Variants in CDH20 observed in about 807,000 individuals in gnomAD.
CDH20 encodes the protein cadherin 20.
CDH20 carries 29 observed loss-of-function variants against 74.2 expected under a neutral mutation model. That is an observed-to-expected ratio of 0.39 (90% confidence interval 0.29 to 0.53). CDH20 has a LOEUF of 0.53. Among genes scored for constraint, CDH20 ranks in the 20% least tolerant of loss-of-function variants. The pLI is 0.69. For missense variants in CDH20, 988 were observed against 1,048.3 expected (o/e 0.94, Z 0.79); for synonymous variants, 469 against 405.4 (o/e 1.16, Z -1.88).
At chr18:61,348,489 G>T (rs1041240820) in intron 1 of CDH20, among the ~76,000 whole-genome samples, 1 of 152,100 alleles carries the variant, frequency 6.6e-6, no homozygotes, top group African/African-American at 2.4e-5. Context: ...AGCAGACTGG[G>T]TTTCTGATTT....
At chr18:61,396,053 T>TGTGTGTGTGTG (rs1568123818) in intron 1 of CDH20, among the ~76,000 whole-genome samples, 6,273 of 142,706 alleles carry the variant, frequency 0.044, 224 homozygotes, top group African/African-American at 0.095. Flanking sequence ...GTGTGTGTGT[T>TGTGTGTGTGTG]TGTGTGTGTG....
intron 1 of CDH20, among the ~76,000 whole-genome samples, chr18:61,375,498 C>T (rs913957104): frequency 3.2e-4 from 49 of 152,228 alleles, no homozygotes; most frequent in African/African-American, 1.1e-3. Flanking sequence ...CGTGCTACTT[C>T]GTGCTACTTC....
At chr18:61,417,578 T>TAAAAAAA (rs545256689) in intron 1 of CDH20, among the ~76,000 whole-genome samples, 816 of 62,292 alleles carry the variant, frequency 0.013, 136 homozygotes, top group East Asian at 0.033. Flanking sequence ...ATGTGGGAGC[T>TAAAAAAA]AAAAAAAAAA....
chr18:61,546,410 TATA>T (rs1913250863), intron 10 of CDH20, among the ~76,000 whole-genome samples: 1 of 152,218 alleles, frequency 6.6e-6, no homozygotes, highest in African/African-American at 2.4e-5. Flanking sequence ...ATAAAAATAC[TATA>T]ATAATTCTGG....
rs778357417 is a variant in CDH20, at chr18:61,428,938, CTTCTT to C, written c.-152-61457_-152-61453del. 5.9e-5 allele frequency among the ~76,000 whole-genome samples: 9 copies of C among 152,320 alleles called. No homozygotes were observed. In the East Asian group the frequency reaches 9.7e-4, roughly 16 times the overall value. On this transcript the variant is annotated intron_variant, in intron 1 of 11. Coordinates refer to ENST00000262717, the MANE Select transcript of CDH20 (RefSeq NM_031891.4). ...GCCAAGGCTCAACCATATGCCTCCT[CTTCTT>C]TTCTTTATTTTTAATGAGTACCACT... is the stretch of plus-strand genomic sequence containing the variant.
chr18:61,345,635 C>T (rs970908249), intron 1 of CDH20, among the ~76,000 whole-genome samples: 1 of 152,076 alleles, frequency 6.6e-6, no homozygotes, highest in African/African-American at 2.4e-5. Flanking sequence ...CGATGTTTCT[C>T]CCCCTAGGTT....
intron 9 of CDH20, among the ~76,000 whole-genome samples, chr18:61,544,259 C>T (rs1338215559): frequency 1.3e-5 from 2 of 152,194 alleles, no homozygotes; most frequent in African/African-American, 2.4e-5. Flanking sequence ...CGCTTTTGGG[C>T]TCTGGCCCAA....
chr18:61,370,901 A>T (rs1911015730), intron 1 of CDH20, among the ~76,000 whole-genome samples: 1 of 152,118 alleles, frequency 6.6e-6, no homozygotes, highest in Non-Finnish European at 1.5e-5. Flanking sequence ...CACAATCAGG[A>T]CATTCTTTTT....
At chr18:61,424,283 A>G (rs1437046506) in intron 1 of CDH20, among the ~76,000 whole-genome samples, 1 of 152,242 alleles carries the variant, frequency 6.6e-6, no homozygotes, top group East Asian at 1.9e-4. Context: ...ATTGTTAGCT[A>G]CAGTGAGCAT....
In CDH20 at chr18:61,410,723, C is replaced by T. The variant is rs574073057; in HGVS notation, c.-153+76896C>T. On this transcript the variant is annotated intron_variant, in intron 1 of 11. Coordinates refer to ENST00000262717, the MANE Select transcript of CDH20 (RefSeq NM_031891.4). Reference sequence around the variant, plus strand: ...TTTGGAAAAAGCATGAAGCTGGATCCCCTCCTTTTACCATCAAGCAAAAAC... The same window carrying T: ...TTTGGAAAAAGCATGAAGCTGGATCTCCTCCTTTTACCATCAAGCAAAAAC... Among the ~76,000 whole-genome samples the T allele has an allele frequency of 9.9e-5, 15 of 152,038 alleles. No individual in the cohort carries two copies. In the South Asian group the frequency reaches 2.1e-3, roughly 21 times the overall value.
At chr18:61,543,278 T>C (rs1913104209) in intron 9 of CDH20, among the ~76,000 whole-genome samples, 1 of 152,194 alleles carries the variant, frequency 6.6e-6, no homozygotes. Flanking sequence ...GACCTCAAAC[T>C]GACCTTTGAT....
chr18:61,524,669 C>T (rs1912323541), intron 6 of CDH20, among the ~76,000 whole-genome samples: 1 of 152,206 alleles, frequency 6.6e-6, no homozygotes, highest in African/African-American at 2.4e-5. Context: ...AATCCCAGCA[C>T]TTTGGGAGGC....
intron 1 of CDH20, among the ~76,000 whole-genome samples, chr18:61,355,542 A>G (rs986974930): frequency 6.6e-6 from 1 of 152,190 alleles, no homozygotes; most frequent in Non-Finnish European, 1.5e-5. Flanking sequence ...AAGTGTCTAT[A>G]TGGAGGCAAA....
intron 1 of CDH20, among the ~76,000 whole-genome samples, chr18:61,432,677 G>T (rs1215039163): frequency 6.6e-6 from 1 of 152,184 alleles, no homozygotes; most frequent in Admixed American, 6.5e-5. Context: ...CCTAGGGGAA[G>T]GGGTGATGGC....
intron 1 of CDH20, among the ~76,000 whole-genome samples, chr18:61,462,983 G>A (rs1000511291): frequency 6.6e-6 from 1 of 152,286 alleles, no homozygotes; most frequent in African/African-American, 2.4e-5. Flanking sequence ...TTCACACTAA[G>A]TTATATACCA....
intron 1 of CDH20, among the ~76,000 whole-genome samples, chr18:61,456,816 G>A (rs922268207): frequency 6.6e-6 from 1 of 152,134 alleles, no homozygotes; most frequent in African/African-American, 2.4e-5. Context: ...TGGCAGATCT[G>A]GTGTCTGGTG....
intron 1 of CDH20, among the ~76,000 whole-genome samples, chr18:61,390,288 C>T (rs899084102): frequency 6.6e-6 from 1 of 152,114 alleles, no homozygotes; most frequent in African/African-American, 2.4e-5. Flanking sequence ...ATACAGCTTG[C>T]CTGTTTCTCA....
rs531995199 is a variant in CDH20 at position 61,367,649 on chromosome 18, T to G, written c.-153+33822T>G. On this transcript the variant is annotated intron_variant, in intron 1 of 11. Transcript: ENST00000262717. ...AAGTCTTTCTCACCTTGAATCATTC[T>G]ATGACTCTTCTGCCCTCCTCTTCTA... 3.5e-4 allele frequency among the ~76,000 whole-genome samples: 53 copies of G among 152,290 alleles called. No homozygotes were observed. The South Asian group carries it at 7.1e-3, about 20-fold the overall frequency.
intron 1 of CDH20, among the ~76,000 whole-genome samples, chr18:61,361,720 T>C (rs1052251712): frequency 1.3e-5 from 2 of 152,200 alleles, no homozygotes; most frequent in Middle Eastern, 3.2e-3. Flanking sequence ...AGTCTAAAAA[T>C]AAATTTAAAA....
Sources: gnomAD v4.1 joint callset for allele counts (sites outside exome capture counted in the v4.1 genomes callset) on GRCh38, gnomAD v4.1.1 for gene constraint, MANE v1.5 for transcripts, NCBI Gene and HGNC (gene_info 2026-07-23, HGNC 2026-07-21) for gene names.